SPACA1: variants seen among roughly 807,000 people sequenced by gnomAD.
SPACA1 encodes the protein sperm acrosome membrane-associated protein 1.
Under a neutral mutation model 32.6 loss-of-function variants are expected in SPACA1, and 17 were observed. That is an observed-to-expected ratio of 0.52 (90% CI 0.36 to 0.78). The LOEUF is 0.78. Among genes scored for constraint, SPACA1 ranks in the 30% least tolerant of loss-of-function variants. The pLI, the probability that SPACA1 is intolerant of heterozygous loss-of-function variation, is 0.01. For synonymous variants in SPACA1, 140 were observed against 138.1 expected (o/e 1.01, Z -0.10); for missense variants, 363 against 373.4 (o/e 0.97, Z 0.23).
rs185519801 is a variant in SPACA1, at chr6:88,061,402, A to C, written c.610+1814A>C. On this transcript the variant is annotated intron_variant, in intron 5 of 6. Transcript: ENST00000237201. ...AATCCAATATAACTGGTGCCCTCATAAGAAGAGGAATATTTGGGCATGCTT... is the reference window on the plus strand; with the variant it reads ...AATCCAATATAACTGGTGCCCTCATCAGAAGAGGAATATTTGGGCATGCTT... Among the ~76,000 whole-genome samples the C allele has an allele frequency of 3.3e-3, 500 of 151,146 alleles. 5 individuals are homozygous for C. The highest frequency in any genetic ancestry group is 5.2e-3 in the Non-Finnish European group (355 of 67,868).
intron 2 of SPACA1, among the ~76,000 whole-genome samples, chr6:88,055,534 A>C (rs954196780): frequency 6.6e-6 from 1 of 152,240 alleles, no homozygotes; most frequent in African/African-American, 2.4e-5. Flanking sequence ...AATTCTGTTA[A>C]ACTCCTGAAA....
Position 88,055,773 on chromosome 6 carries a change from A to C in SPACA1, c.265+1771A>C, listed in dbSNP as rs1401062154. Among the ~76,000 whole-genome samples the C allele has an allele frequency of 3.3e-5, 5 of 152,214 alleles. No homozygotes were observed. In the East Asian group the frequency reaches 9.7e-4, roughly 30 times the overall value. Reference sequence around the variant, plus strand: ...ATCACGAGGTCCAGATATCGAGGCCATCCTGGCCAACATGGTGAAACCCCA... The same window carrying C: ...ATCACGAGGTCCAGATATCGAGGCCCTCCTGGCCAACATGGTGAAACCCCA... On this transcript the variant is annotated intron_variant, in intron 2 of 6. Transcript: ENST00000237201.
Position 88,057,701 on chromosome 6 carries a change from A to G in SPACA1, c.355A>G (p.Thr119Ala). 3 of 1,613,828 alleles carry G rather than the reference A, an allele frequency of 1.9e-6. No homozygotes were observed. The highest frequency in any genetic ancestry group is 2.5e-6 in the Non-Finnish European group (3 of 1,179,750). The change falls in exon 3 of 7, where the codon ACA becomes GCA. Residue 119 changes from threonine (T) to alanine (A), a missense_variant. By Grantham distance (58) the Thr-to-Ala change is moderately conservative. Transcript: ENST00000237201. The stretch of plus-strand genomic sequence containing the variant: ...ACGGGTAGAAGAATGCCGTGGACCA[A>G]CAGATTGTGGCTGTGAGTTGAATTA... ...VVRVEECRGP[T>A]DCGWGKPISE... is the part of the protein sequence containing the mutation.
At chr6:88,051,137 ACT>A (rs1300200189) in intron 1 of SPACA1, among the ~76,000 whole-genome samples, 1 of 151,038 alleles carries the variant, frequency 6.6e-6, no homozygotes, top group Non-Finnish European at 1.5e-5. Context: ...ACAGAGCGAG[ACT>A]CTGTCTTAAA....
upstream of SPACA1, among the ~76,000 whole-genome samples, chr6:88,047,586 C>G (rs1775656362): frequency 6.6e-6 from 1 of 152,222 alleles, no homozygotes; most frequent in Non-Finnish European, 1.5e-5. Context: ...GACAGCAACG[C>G]CTACCGCACC....
Position 88,058,837 on chromosome 6 carries a change from G to C in SPACA1, c.474+15G>C, listed in dbSNP as rs371379319. The C allele has an allele frequency of 5.4e-5, 83 of 1,529,396 alleles. 1 individual carries two copies. Among genetic ancestry groups the C allele is most frequent in the South Asian group, 3.0e-4 (26 of 86,792 alleles). 94.7% of individuals were successfully genotyped at this position (1,529,396 alleles called of 1,614,324 possible). On this transcript the variant is annotated intron_variant, in intron 4 of 6. Transcript: ENST00000237201. ...GACAAGACCAAGTGAGTAATGAATG[G>C]ATATAACCTGGTGCTTTCTAGTGAG...
intron 3 of SPACA1, 129 bp downstream of exon 3, chr6:88,057,842 T>C: frequency 1.5e-6 from 1 of 678,202 alleles, no homozygotes; most frequent in Non-Finnish European, 2.6e-6. Flanking sequence ...ATCATAAAAT[T>C]TTAAATTCCA....
In SPACA1 at chr6:88,066,388, T is replaced by C; in HGVS notation, c.*53T>C. On this transcript the variant is annotated 3_prime_UTR_variant, in exon 7 of 7. Transcript: ENST00000237201. Reference sequence around the variant, plus strand: ...GGATATTACAGAATATTAGATTCATTATTACAAAAATAAAATACACATTGA... The same window carrying C: ...GGATATTACAGAATATTAGATTCATCATTACAAAAATAAAATACACATTGA... 2.1e-6 allele frequency: 3 copies of C among 1,451,818 alleles called. No individual in the cohort carries two copies. Among genetic ancestry groups the C allele is most frequent in the South Asian group, 1.6e-5 (1 of 64,020 alleles). 89.9% of individuals were successfully genotyped at this position (1,451,818 alleles called of 1,614,324 possible).
At chr6:88,054,059 T>G in intron 2 of SPACA1, 57 bp downstream of exon 2, 3 of 1,502,642 alleles carry the variant, frequency 2.0e-6, no homozygotes, top group Non-Finnish European at 2.8e-6. Flanking sequence ...GGAGGAAAGG[T>G]AAAAGCAGAT....
intron 6 of SPACA1, 141 bp downstream of exon 6, chr6:88,064,360 T>TAGGGCAGTCACAG: frequency 4.0e-6 from 3 of 746,180 alleles, no homozygotes; most frequent in Non-Finnish European, 6.0e-6. Context: ...ATTACTCCTG[T>TAGGGCAGTCACAG]GACTGCCCTA....
chr6:88,059,418 TG>T, intron 4 of SPACA1, 34 bp from the exon 5 acceptor site: 2 of 1,537,230 alleles, frequency 1.3e-6, no homozygotes, highest in South Asian at 2.4e-5. Context: ...ACATGAAAAA[TG>T]TTGATACTTT....
intron 2 of SPACA1, among the ~76,000 whole-genome samples, chr6:88,056,939 C>G (rs1775818896): frequency 6.6e-6 from 1 of 152,148 alleles, no homozygotes; most frequent in South Asian, 2.1e-4. Flanking sequence ...ATAGGTTCTC[C>G]TCTCTATATT....
intron 5 of SPACA1, 60 bp downstream of exon 5, chr6:88,059,648 C>A: frequency 3.4e-6 from 5 of 1,486,200 alleles, no homozygotes; most frequent in Non-Finnish European, 4.5e-6. Context: ...GCATTAAAAT[C>A]ACTTAGAGGC....
intron 5 of SPACA1, 54 bp from the exon 6 acceptor site, chr6:88,064,045 T>A: frequency 6.4e-7 from 1 of 1,553,652 alleles, no homozygotes; most frequent in Non-Finnish European, 8.6e-7. Flanking sequence ...AAGTTAGATA[T>A]TCATTTCCTT....
At chr6:88,058,681 G>T in intron 3 of SPACA1, 35 bp from the exon 4 acceptor site, 2 of 1,434,362 alleles carry the variant, frequency 1.4e-6, no homozygotes, top group South Asian at 2.4e-5. Context: ...AATTTATAAT[G>T]CCCAATGGTA....
chr6:88,063,452 C>G (rs939036506), intron 5 of SPACA1, among the ~76,000 whole-genome samples: 1 of 151,984 alleles, frequency 6.6e-6, no homozygotes, highest in Non-Finnish European at 1.5e-5. Flanking sequence ...AAGAGATTAC[C>G]TAGTGTGTGT....
chr6:88,062,701 C>T (rs1041295630), intron 5 of SPACA1, among the ~76,000 whole-genome samples: 1 of 152,032 alleles, frequency 6.6e-6, no homozygotes, highest in Non-Finnish European at 1.5e-5. Flanking sequence ...ATAATACTAG[C>T]TACTAGGGAG....
rs762732429 is a variant in SPACA1 at position 88,057,663 on chromosome 6, C to A, written c.317C>A (p.Ser106Tyr). Reference sequence around the variant, plus strand: ...ACAAATGGATGCCCTGGTGGTGAATCCAAGTGTGTTGTACGGGTAGAAGAA... The same window carrying A: ...ACAAATGGATGCCCTGGTGGTGAATACAAGTGTGTTGTACGGGTAGAAGAA... The part of the protein sequence containing the change: ...ILTNGCPGGE[S>Y]KCVVRVEECR... Residue 106 changes from serine to tyrosine, a missense_variant, in exon 3 of 7, where the codon TCC (serine) becomes TAC (tyrosine). Transcript: ENST00000237201. 5.0e-6 allele frequency: 8 copies of A among 1,613,842 alleles called. No individual in the cohort carries two copies. The highest frequency in any genetic ancestry group is 4.0e-5 in the African/African-American group (3 of 74,874).
At chr6:88,053,399 T>C (rs1775759882) in intron 1 of SPACA1, among the ~76,000 whole-genome samples, 1 of 152,236 alleles carries the variant, frequency 6.6e-6, no homozygotes, top group Admixed American at 6.5e-5. Flanking sequence ...CTTAATTTCT[T>C]AAATAGTGAT....
Sources: allele counts gnomAD v4.1 joint callset (sites outside exome capture counted in the v4.1 genomes callset), GRCh38; gene constraint gnomAD v4.1.1; transcripts MANE v1.5; gene names NCBI Gene and HGNC (gene_info 2026-07-23, HGNC 2026-07-21).